The following MANEA variants were observed in gnomAD, a reference collection of about 807,000 sequenced individuals.
The protein encoded by MANEA is mannosidase endo-alpha.
MANEA carries 25 observed loss-of-function variants against 36.8 expected under a neutral mutation model. The ratio of observed to expected loss-of-function variants is 0.68; its 90% confidence interval spans 0.50 to 0.95. MANEA has a LOEUF of 0.95. Among genes scored for constraint, MANEA ranks in the 40% least tolerant of loss-of-function variants. MANEA has a pLI of 0.00. For synonymous variants in MANEA, 198 were observed against 188.5 expected (o/e 1.05, Z -0.41); for missense variants, 565 against 558.8 (o/e 1.01, Z -0.11).
intron 3 of MANEA, among the ~76,000 whole-genome samples, chr6:95,598,092 C>T (rs1769513856): frequency 6.6e-6 from 1 of 151,766 alleles, no homozygotes; most frequent in African/African-American, 2.4e-5. Flanking sequence ...AATTGACTAT[C>T]CTAGAAAAAA....
At chr6:95,597,608 C>G (rs1582227389) in intron 3 of MANEA, among the ~76,000 whole-genome samples, 1 of 151,736 alleles carries the variant, frequency 6.6e-6, no homozygotes, top group Admixed American at 6.6e-5. Context: ...ACATTCAGTA[C>G]CATGGAATGT....
intron 1 of MANEA, among the ~76,000 whole-genome samples, chr6:95,577,893 A>T (rs1220583287): frequency 6.6e-6 from 1 of 152,084 alleles, no homozygotes; most frequent in Non-Finnish European, 1.5e-5. Flanking sequence ...TGCCTTTTAC[A>T]CTGCTTTATC....
chr6:95,590,260 A>G (rs1216242993), intron 2 of MANEA: 1 of 152,208 alleles, frequency 6.6e-6, no homozygotes, highest in Non-Finnish European at 1.5e-5. Flanking sequence ...GCAAAACATA[A>G]TGTACTCTAT....
chr6:95,597,507 T>A (rs1562199304), intron 3 of MANEA, among the ~76,000 whole-genome samples: 1 of 152,074 alleles, frequency 6.6e-6, no homozygotes, highest in Non-Finnish European at 1.5e-5. Context: ...TATCCAAAGA[T>A]ACATTTTAAA....
At chr6:95,596,923 A>G (rs533179666) in intron 3 of MANEA, 77 bp downstream of exon 3, 1 of 618,266 alleles carries the variant, frequency 1.6e-6, no homozygotes, top group Non-Finnish European at 2.8e-6. Flanking sequence ...TTTTTGAAAT[A>G]GTAATTTTAA....
chr6:95,578,643 C>A (rs1769121273), intron 1 of MANEA, among the ~76,000 whole-genome samples: 1 of 151,912 alleles, frequency 6.6e-6, no homozygotes, highest in Non-Finnish European at 1.5e-5. Context: ...GAAAAACACC[C>A]CCCAAAACAA....
At chr6:95,582,560 G>A (rs772298071) in intron 1 of MANEA, among the ~76,000 whole-genome samples, 1 of 152,166 alleles carries the variant, frequency 6.6e-6, no homozygotes. Context: ...GTCATGTAGT[G>A]CAGGGTTTGA....
At chr6:95,580,718 C>A (rs565895136) in intron 1 of MANEA, among the ~76,000 whole-genome samples, 2 of 140,756 alleles carry the variant, frequency 1.4e-5, no homozygotes, top group African/African-American at 5.3e-5. Context: ...GAGTGAGACG[C>A]CGTCTCAAAA....
intron 3 of MANEA, among the ~76,000 whole-genome samples, chr6:95,603,489 T>A (rs187099222): frequency 4.0e-4 from 61 of 152,258 alleles, no homozygotes; most frequent in African/African-American, 1.4e-3. Flanking sequence ...TAGTTTTTTA[T>A]GACAGAAACT....
Position 95,608,406 on chromosome 6 carries a change from G to T in MANEA, c.*2001G>T, listed in dbSNP as rs370936600. 1 of 151,808 alleles carries T rather than the reference G, an allele frequency of 6.6e-6. No homozygotes were observed. Among genetic ancestry groups the T allele is most frequent in the South Asian group, 2.1e-4 (1 of 4,820 alleles). The allele number at this position is 151,808 out of a possible 1,614,324, so 9.4% of individuals were successfully genotyped here. A position where few individuals can be genotyped will look rare whatever the true frequency, so the allele number is the denominator to read the frequency against. On this transcript the variant is annotated 3_prime_UTR_variant, in exon 5 of 5. Transcript: ENST00000358812. ...TTAAGGGAAAATCTATAAAAACAAG[G>T]TTAGCATATTCTCAACACAGATACC... is the stretch of plus-strand genomic sequence containing the variant.
intron 4 of MANEA, 119 bp from the exon 5 acceptor site, chr6:95,605,629 T>A (rs573953843): frequency 6.0e-6 from 4 of 668,790 alleles, no homozygotes; most frequent in Non-Finnish European, 1.0e-5. Flanking sequence ...CTGATTCCCC[T>A]AAGAAATGGA....
rs986805380 is a variant in MANEA at position 95,608,337 on chromosome 6, A to G, written c.*1932A>G. On this transcript the variant is annotated 3_prime_UTR_variant, in exon 5 of 5. Transcript: ENST00000358812. ...TGTCATTGTGTACGTTGTGTATTTG[A>G]ACCCACCATGACAGAAAGTAAATTT... 6.6e-6 allele frequency: 1 copy of G among 151,926 alleles called. No individual in the cohort carries two copies. Among genetic ancestry groups the G allele is most frequent in the Non-Finnish European group, 1.5e-5 (1 of 67,812 alleles). The allele number at this position is 151,926 out of a possible 1,614,324, so 9.4% of individuals were successfully genotyped here. A position where few individuals can be genotyped will look rare whatever the true frequency, so the allele number is the denominator to read the frequency against.
intron 1 of MANEA, among the ~76,000 whole-genome samples, chr6:95,584,973 TTTAAC>T (rs1327483700): frequency 2.6e-5 from 4 of 152,232 alleles, no homozygotes; most frequent in Non-Finnish European, 5.9e-5. Context: ...TTAAGTCTTT[TTTAAC>T]TTAATTCTCT....
chr6:95,590,495 T>TA (rs764123433), intron 2 of MANEA, among the ~76,000 whole-genome samples: 41 of 152,320 alleles, frequency 2.7e-4, no homozygotes, highest in Non-Finnish European at 4.3e-4. Context: ...TTACAATTCT[T>TA]ACTTCTGCAT....
At chr6:95,585,401 C>A (rs954837702) in intron 1 of MANEA, among the ~76,000 whole-genome samples, 2 of 152,172 alleles carry the variant, frequency 1.3e-5, no homozygotes, top group African/African-American at 2.4e-5. Context: ...CCTTGACCTT[C>A]TGGGCTCAAG....
At chr6:95,591,981 C>G (rs1053759179) in intron 2 of MANEA, among the ~76,000 whole-genome samples, 2 of 152,184 alleles carry the variant, frequency 1.3e-5, no homozygotes, top group Admixed American at 1.3e-4. Context: ...GGATTACAGG[C>G]GTCAGCCACC....
rs146858590 is a variant in MANEA, at chr6:95,578,324, G to A, written c.-39+686G>A. Reference sequence around the variant, plus strand: ...GAAGTACAGGCAGGTATAACTGTTTGGTTTTGTTGTTGTAAGACCCTACGG... The same window carrying A: ...GAAGTACAGGCAGGTATAACTGTTTAGTTTTGTTGTTGTAAGACCCTACGG... On this transcript the variant is annotated intron_variant, in intron 1 of 4. Coordinates refer to ENST00000358812, the MANE Select transcript of MANEA (RefSeq NM_024641.4). 1.6e-3 allele frequency among the ~76,000 whole-genome samples: 238 copies of A among 152,224 alleles called. 1 individual carries two copies. Among genetic ancestry groups the A allele is most frequent in the African/African-American group, 5.6e-3 (234 of 41,534 alleles).
intron 1 of MANEA, among the ~76,000 whole-genome samples, chr6:95,582,016 T>C (rs985142358): frequency 4.6e-5 from 7 of 152,034 alleles, no homozygotes; most frequent in Non-Finnish European, 8.8e-5. Flanking sequence ...TTATATATCA[T>C]AGTAGTTGAT....
chr6:95,579,069 G>T (rs941672185), intron 1 of MANEA, among the ~76,000 whole-genome samples: 3 of 152,116 alleles, frequency 2.0e-5, no homozygotes, highest in African/African-American at 7.2e-5. Flanking sequence ...TTTGTAAAAT[G>T]AGGTTAAAAA....
Sources: gnomAD v4.1 joint callset for allele counts (sites outside exome capture counted in the v4.1 genomes callset) on GRCh38, gnomAD v4.1.1 for gene constraint, MANE v1.5 for transcripts, NCBI Gene and HGNC (gene_info 2026-07-23, HGNC 2026-07-21) for gene names.